The following GNAL variants were observed in gnomAD, a reference collection of about 807,000 sequenced individuals.
The protein encoded by GNAL is G protein subunit alpha L, also known as guanine nucleotide-binding protein G(olf) subunit alpha.
A neutral mutation model predicts 55.1 loss-of-function variants in GNAL; 18 were observed. The observed-to-expected ratio is 0.33, with a 90% CI of 0.23 to 0.48. The LOEUF (loss-of-function observed/expected upper bound fraction) is 0.48. GNAL is among the 20% of genes least tolerant of loss of function. GNAL has a pLI of 0.99. For synonymous variants in GNAL, 253 were observed against 237.0 expected (o/e 1.07, Z -0.62); for missense variants, 412 against 614.1 (o/e 0.67, Z 3.48).
chr18:11,744,418 G>A (rs547715461), intron 1 of GNAL, among the ~76,000 whole-genome samples: 1 of 152,244 alleles, frequency 6.6e-6, no homozygotes, highest in Non-Finnish European at 1.5e-5. Context: ...TTTTTATCAT[G>A]ATGTTTTTTA....
rs2036309468 is a variant in GNAL at position 11,868,196 on chromosome 18, A to T, written c.911-347A>T. Among the ~76,000 whole-genome samples the T allele has an allele frequency of 6.6e-6, 1 of 152,056 alleles. No homozygotes were observed. Among genetic ancestry groups the T allele is most frequent in the South Asian group, 2.1e-4 (1 of 4,826 alleles). ...ATGCCTATAATCCTAGCTACTAGGG[A>T]GGCTGAGGCAGGAGAATCACTTGAA... On this transcript the variant is annotated intron_variant, in intron 8 of 11. Coordinates refer to ENST00000334049, the MANE Select transcript of GNAL (RefSeq NM_182978.4). The surrounding 1 kb of genome is among the most constrained non-coding windows in gnomAD (Gnocchi z 4.0).
intron 4 of GNAL, among the ~76,000 whole-genome samples, chr18:11,798,781 T>C (rs776813902): frequency 6.6e-6 from 1 of 152,162 alleles, no homozygotes; most frequent in Non-Finnish European, 1.5e-5. Context: ...CAATAAAATA[T>C]GGGTGCTCAA....
At chr18:11,775,017 C>T (rs1429723460) in intron 4 of GNAL, among the ~76,000 whole-genome samples, 3 of 152,224 alleles carry the variant, frequency 2.0e-5, no homozygotes, top group Non-Finnish European at 4.4e-5. Context: ...CCTCTTCCTG[C>T]GGCAGAGCCT....
intron 4 of GNAL, among the ~76,000 whole-genome samples, chr18:11,778,660 A>G (rs1049415114): frequency 2.0e-5 from 3 of 152,172 alleles, no homozygotes; most frequent in Non-Finnish European, 4.4e-5. Context: ...CAGAATTATG[A>G]CAAAGGTGTT....
intron 4 of GNAL, among the ~76,000 whole-genome samples, chr18:11,813,498 G>A (rs1438482862): frequency 6.6e-6 from 1 of 152,086 alleles, no homozygotes; most frequent in African/African-American, 2.4e-5. Flanking sequence ...GTGATTCTTC[G>A]AATCTTTTTT....
At chr18:11,711,809 A>G (rs1014463531) in intron 1 of GNAL, among the ~76,000 whole-genome samples, 1 of 152,132 alleles carries the variant, frequency 6.6e-6, no homozygotes, top group South Asian at 2.1e-4. Context: ...TTATGTTGGT[A>G]TCTGTCCATT....
chr18:11,831,319 G>A (rs983249614), intron 5 of GNAL, among the ~76,000 whole-genome samples: 11 of 152,022 alleles, frequency 7.2e-5, no homozygotes, highest in African/African-American at 2.2e-4. Context: ...GTGAGTCAGC[G>A]GTCCTCTTCT....
Position 11,771,079 on chromosome 18 carries a change from G to A in GNAL, c.624+17134G>A, listed in dbSNP as rs566151619. ...AAAAAATACAAAAAATTAGCCAGGC[G>A]TGGTGGCAGGCCTCTGTAATCCCAG... On this transcript the variant is annotated intron_variant, in intron 4 of 11. Transcript: ENST00000334049. Among the ~76,000 whole-genome samples, 23 of 152,064 alleles carry A rather than the reference G, an allele frequency of 1.5e-4. No individual in the cohort carries two copies. The South Asian group carries it at 2.1e-3, about 14-fold the overall frequency.
chr18:11,867,146 TG>T (rs921641257), intron 7 of GNAL, 21 bp from the exon 8 acceptor site: 43 of 1,590,522 alleles, frequency 2.7e-5, no homozygotes, highest in Non-Finnish European at 3.6e-5. Flanking sequence ...CAAATAATTG[TG>T]TTCCTCTTGC....
chr18:11,883,055 TTC>T lies in GNAL; in HGVS notation c.*1922_*1923del, dbSNP rs1457194576. 15 of 152,222 alleles carry T rather than the reference TTC, an allele frequency of 9.9e-5. No individual in the cohort carries two copies. Among genetic ancestry groups the T allele is most frequent in the African/African-American group, 3.6e-4 (15 of 41,458 alleles). The allele number at this position is 152,222 out of a possible 1,614,324, so 9.4% of individuals were successfully genotyped here. On this transcript the variant is annotated 3_prime_UTR_variant, in exon 12 of 12. Transcript: ENST00000334049. ...AGCCTACATTACTTCATTATTACTC[TTC>T]TTTTAGTCTTTAGTCTTTAATATTT...
chr18:11,770,758 T>G (rs1364142736), intron 4 of GNAL, among the ~76,000 whole-genome samples: 1 of 152,212 alleles, frequency 6.6e-6, no homozygotes, highest in Admixed American at 6.5e-5. Flanking sequence ...TATGTAAGTG[T>G]TCTAATACTT....
At chr18:11,778,871 C>G (rs1226619693) in intron 4 of GNAL, among the ~76,000 whole-genome samples, 4 of 152,114 alleles carry the variant, frequency 2.6e-5, no homozygotes, top group Admixed American at 6.5e-5. Context: ...CAATGGTTGT[C>G]TGTTTCAAGG....
chr18:11,849,697 T>G (rs1220297728), intron 5 of GNAL, among the ~76,000 whole-genome samples: 1 of 152,104 alleles, frequency 6.6e-6, no homozygotes, highest in African/African-American at 2.4e-5. Context: ...TCCCCTTTTT[T>G]TTGGTTGTTT....
chr18:11,871,062 G>GA (rs1477784670), intron 9 of GNAL, among the ~76,000 whole-genome samples: 1 of 152,046 alleles, frequency 6.6e-6, no homozygotes, highest in Non-Finnish European at 1.5e-5. Flanking sequence ...TGTGAGGACA[G>GA]AAAAAAACTT....
chr18:11,736,360 G>A (rs573441787), intron 1 of GNAL, among the ~76,000 whole-genome samples: 13 of 152,236 alleles, frequency 8.5e-5, no homozygotes, highest in South Asian at 6.2e-4. Context: ...ACACCACTGC[G>A]TTCCAGCCTG....
chr18:11,799,940 T>C (rs2034481087), intron 4 of GNAL, among the ~76,000 whole-genome samples: 2 of 152,132 alleles, frequency 1.3e-5, no homozygotes, highest in African/African-American at 4.8e-5. Context: ...CCTCCCCCTG[T>C]ACGTGTCCCT....
chr18:11,739,373 C>G (rs1264090220), intron 1 of GNAL, among the ~76,000 whole-genome samples: 1 of 152,152 alleles, frequency 6.6e-6, no homozygotes, highest in Non-Finnish European at 1.5e-5. Flanking sequence ...CTTGCTGTGG[C>G]CATCATGGCC....
intron 11 of GNAL, among the ~76,000 whole-genome samples, chr18:11,876,960 A>T (rs2143918210): frequency 6.6e-6 from 1 of 152,294 alleles, no homozygotes; most frequent in East Asian, 1.9e-4. Context: ...GACTTCATTC[A>T]CTTGTTGTAT....
rs191538232 is a variant in GNAL, at chr18:11,772,200, A to C, written c.624+18255A>C. Reference sequence around the variant, plus strand: ...ATGACTATTATAGCAGAAATAAATAAAAATACCAGGACAGATAATAGAAAA... The same window carrying C: ...ATGACTATTATAGCAGAAATAAATACAAATACCAGGACAGATAATAGAAAA... On this transcript the variant is annotated intron_variant, in intron 4 of 11. Transcript: ENST00000334049. 8.7e-4 allele frequency among the ~76,000 whole-genome samples: 132 copies of C among 152,352 alleles called. 1 individual carries two copies. The highest frequency in any genetic ancestry group is 1.5e-3 in the Non-Finnish European group (105 of 68,026).
Sources: gnomAD v4.1 joint callset for allele counts (sites outside exome capture counted in the v4.1 genomes callset) on GRCh38, gnomAD v4.1.1 for gene constraint, Gnocchi (gnomAD v3.1) non-coding constraint, MANE v1.5 for transcripts, NCBI Gene and HGNC (gene_info 2026-07-23, HGNC 2026-07-21) for gene names.